Variants in RIMS3 observed in about 807,000 individuals in gnomAD.
RIMS3 encodes regulating synaptic membrane exocytosis 3.
In RIMS3, 15 loss-of-function variants were observed where a neutral mutation model predicts 29.2. The observed-to-expected ratio is 0.51, with a 90% CI of 0.34 to 0.79. RIMS3 has a LOEUF of 0.79. Ranked by LOEUF, RIMS3 falls within the 30% of genes least tolerant of loss-of-function variation. The pLI is 0.01. For synonymous variants in RIMS3, 161 were observed against 170.1 expected, an observed-to-expected ratio of 0.95 and a Z score of 0.41; for missense variants, 342 against 421.4, an observed-to-expected ratio of 0.81 and a Z score of 1.65.
rs1642237345 is a variant in RIMS3 at position 40,654,169 on chromosome 1, C to T, written c.-206-6327G>A. Among the ~76,000 whole-genome samples, 1 of 151,812 alleles carries T rather than the reference C, an allele frequency of 6.6e-6. No homozygotes were observed. The highest frequency in any genetic ancestry group is 1.9e-4 in the East Asian group (1 of 5,148). The stretch of plus-strand genomic sequence containing the variant: ...CTCCCCTTCCCGCCCCTCCCCCTCC[C>T]CGCCCCTCCCCCGCGCCGCTGACGA... On this transcript the variant is annotated intron_variant, in intron 1 of 7. Coordinates refer to ENST00000372684, the MANE Select transcript of RIMS3 (RefSeq NM_014747.3). This position sits in a 1 kb window ranked among gnomAD's most constrained non-coding sequence, Gnocchi z 5.3.
chr1:40,627,356 G>A (rs1646461283), intron 7 of RIMS3, among the ~76,000 whole-genome samples: 1 of 152,068 alleles, frequency 6.6e-6, no homozygotes, highest in African/African-American at 2.4e-5. Context: ...AGCCTCCCGA[G>A]TAGCTGGGAC....
intron 3 of RIMS3, among the ~76,000 whole-genome samples, chr1:40,639,156 C>G (rs1428751306): frequency 6.6e-6 from 1 of 152,220 alleles, no homozygotes; most frequent in Non-Finnish European, 1.5e-5. Context: ...GCCCAGAAGA[C>G]AGAGTCCAGG....
In RIMS3 at chr1:40,633,308, C is replaced by G. The variant is rs1646501277; in HGVS notation, c.360-127G>C. On this transcript the variant is annotated intron_variant, in intron 4 of 7. Transcript: ENST00000372684. ...GTCCCTCTGTGCCTCAGTTTCTCCT[C>G]TAAACAGTATGATTGCACTACTCTG... is the stretch of plus-strand genomic sequence containing the variant. 1.5e-5 allele frequency: 10 copies of G among 662,272 alleles called. 1 individual carries two copies. In the South Asian group the frequency reaches 1.7e-4, roughly 11 times the overall value. The allele number at this position is 662,272 out of a possible 1,614,324, so 41.0% of individuals were successfully genotyped here. A position where few individuals can be genotyped will look rare whatever the true frequency, so the allele number is the denominator to read the frequency against.
At chr1:40,643,469 T>C (rs1419799539) in intron 2 of RIMS3, among the ~76,000 whole-genome samples, 2 of 135,018 alleles carry the variant, frequency 1.5e-5, no homozygotes, top group African/African-American at 2.9e-5. Flanking sequence ...GCAATAAACA[T>C]CTTTCTCTCT....
chr1:40,634,481 T>A (rs1049764438), intron 4 of RIMS3, among the ~76,000 whole-genome samples: 1 of 152,204 alleles, frequency 6.6e-6, no homozygotes, highest in African/African-American at 2.4e-5. Context: ...GTGTGGAGAT[T>A]GTGAACAAAG....
At chr1:40,643,544 T>C (rs1327635050) in intron 2 of RIMS3, among the ~76,000 whole-genome samples, 1 of 150,334 alleles carries the variant, frequency 6.7e-6, no homozygotes, top group East Asian at 1.9e-4. Context: ...TGGCACGATC[T>C]CGACTCACTG....
chr1:40,668,234 A>G (rs552487284), upstream of RIMS3, among the ~76,000 whole-genome samples: 3 of 137,454 alleles, frequency 2.2e-5, no homozygotes, highest in East Asian at 6.4e-4. Context: ...CTGGTAACAG[A>G]GCAAGACTCT....
chr1:40,655,258 C>T (rs1642259582), intron 1 of RIMS3, among the ~76,000 whole-genome samples: 1 of 152,118 alleles, frequency 6.6e-6, no homozygotes, highest in Non-Finnish European at 1.5e-5. Context: ...CTTGCCCTTA[C>T]CTGTGGCTCC....
chr1:40,670,655 C>G (rs908675461), upstream of RIMS3, among the ~76,000 whole-genome samples: 3 of 140,240 alleles, frequency 2.1e-5, no homozygotes, highest in East Asian at 6.3e-4. Flanking sequence ...GTGGCGTGAT[C>G]TCTGCTCACT....
At chr1:40,643,857 G>A (rs1646577458) in intron 2 of RIMS3, among the ~76,000 whole-genome samples, 1 of 152,120 alleles carries the variant, frequency 6.6e-6, no homozygotes, top group South Asian at 2.1e-4. Context: ...GGATCAGGGG[G>A]TACAAATACT....
At chr1:40,632,985 G>A in intron 5 of RIMS3, 84 bp downstream of exon 5, 1 of 1,015,244 alleles carries the variant, frequency 9.8e-7, no homozygotes, top group Non-Finnish European at 1.6e-6. Flanking sequence ...CTCTACGATG[G>A]CCAATGCAGG....
chr1:40,645,717 G>C (rs761879837), intron 2 of RIMS3, among the ~76,000 whole-genome samples: 7 of 152,148 alleles, frequency 4.6e-5, no homozygotes, highest in Non-Finnish European at 7.3e-5. Context: ...CCACCCCCAG[G>C]GGGTGAAAAG....
At chr1:40,659,133 A>G (rs1379227168) in intron 1 of RIMS3, among the ~76,000 whole-genome samples, 1 of 152,158 alleles carries the variant, frequency 6.6e-6, no homozygotes, top group African/African-American at 2.4e-5. Flanking sequence ...AGCTGAGCCG[A>G]TTTTGAAGAA....
chr1:40,641,130 C>T (rs1411460141), intron 3 of RIMS3, among the ~76,000 whole-genome samples: 3 of 152,210 alleles, frequency 2.0e-5, no homozygotes, highest in Non-Finnish European at 4.4e-5. Flanking sequence ...AGATTACAGG[C>T]GAGACTGAAT....
chr1:40,645,558 A>T (rs11802829), intron 2 of RIMS3, among the ~76,000 whole-genome samples: 1,683 of 152,248 alleles, frequency 0.011, 28 homozygotes, highest in African/African-American at 0.039. Context: ...GAAAACTAAA[A>T]GGAAAGTGTC....
chr1:40,626,455 G>T lies in RIMS3; in HGVS notation c.*62C>A, dbSNP rs1456820963. The stretch of plus-strand genomic sequence containing the variant: ...AAAGACACGAAGACTATGTACAGGG[G>T]AGGACATGGGGCCAGCAGGCACCCC... On this transcript the variant is annotated 3_prime_UTR_variant, in exon 8 of 8. Coordinates refer to ENST00000372684, the MANE Select transcript of RIMS3 (RefSeq NM_014747.3). The T allele has an allele frequency of 7.1e-7, 1 of 1,408,088 alleles. No individual in the cohort carries two copies. Among genetic ancestry groups the T allele is most frequent in the Admixed American group, 2.0e-5 (1 of 51,034 alleles). The allele number at this position is 1,408,088 out of a possible 1,614,324, so 87.2% of individuals were successfully genotyped here.
chr1:40,644,224 G>A (rs923522651), intron 2 of RIMS3, among the ~76,000 whole-genome samples: 1 of 152,252 alleles, frequency 6.6e-6, no homozygotes, highest in Non-Finnish European at 1.5e-5. Flanking sequence ...CCAATGATGT[G>A]AGACAATACA....
chr1:40,651,467 C>A (rs1052680763), intron 1 of RIMS3, among the ~76,000 whole-genome samples: 2 of 152,216 alleles, frequency 1.3e-5, no homozygotes, highest in African/African-American at 4.8e-5. Context: ...AGACTTGTAG[C>A]CTTCAGAACT....
the RIMS3 span, among the ~76,000 whole-genome samples, chr1:40,671,757 C>CT: frequency 0.057 from 7,398 of 130,292 alleles, 302 homozygotes; most frequent in African/African-American, 0.096. Flanking sequence ...CCTTTCTTTT[C>CT]TTTTTTTTTT....
Sources: gnomAD v4.1 joint callset for allele counts (sites outside exome capture counted in the v4.1 genomes callset) on GRCh38, gnomAD v4.1.1 for gene constraint, Gnocchi (gnomAD v3.1) non-coding constraint, MANE v1.5 for transcripts, NCBI Gene and HGNC (gene_info 2026-07-23, HGNC 2026-07-21) for gene names.